The following ZFYVE9 variants were observed in gnomAD, a reference collection of about 807,000 sequenced individuals.
The protein encoded by ZFYVE9 is zinc finger FYVE-type containing 9.
In ZFYVE9, 43 loss-of-function variants were observed where a neutral mutation model predicts 126.7. The observed-to-expected ratio is 0.34, with a 90% CI of 0.27 to 0.44. ZFYVE9 has a LOEUF of 0.44. Among genes scored for constraint, ZFYVE9 ranks in the 20% least tolerant of loss-of-function variants. The probability of loss-of-function intolerance (pLI) is 1.00; values close to 1 mark genes in which losing one functional copy is unlikely to be tolerated. For missense variants in ZFYVE9, 1,476 were observed against 1,697.0 expected, an observed-to-expected ratio of 0.87 and a Z score of 2.29; for synonymous variants, 521 against 597.4, an observed-to-expected ratio of 0.87 and a Z score of 1.87.
intron 4 of ZFYVE9, among the ~76,000 whole-genome samples, chr1:52,260,592 A>T (rs1405648859): frequency 6.6e-6 from 1 of 152,006 alleles, no homozygotes; most frequent in Admixed American, 6.6e-5. Context: ...TGAGCCGGGC[A>T]GATCACCTGA....
intron 1 of ZFYVE9, among the ~76,000 whole-genome samples, chr1:52,181,493 C>G (rs1644702820): frequency 1.3e-5 from 2 of 152,250 alleles, no homozygotes; most frequent in South Asian, 4.1e-4. Context: ...GCAGCCTCTG[C>G]CCGGCCGCCA....
rs116765348 is a variant in ZFYVE9, at chr1:52,162,690, C to T, written c.-143+20287C>T. 1,273 of 294,384 alleles carry T rather than the reference C, an allele frequency of 4.3e-3. 18 individuals are homozygous for T. The highest frequency in any genetic ancestry group is 0.026 in the African/African-American group (1,179 of 45,086). The allele number at this position is 294,384 out of a possible 1,614,324, so 18.2% of individuals were successfully genotyped here. A position where few individuals can be genotyped will look rare whatever the true frequency, so the allele number is the denominator to read the frequency against. On this transcript the variant is annotated intron_variant, in intron 1 of 18. Transcript: ENST00000287727. ...GCAAGTGTTGGGATCTGGATTTGCC[C>T]TTCTGCCAGTGTGTCTTCTCTGGTT...
At chr1:52,309,155 A>G (rs1373852715) in intron 13 of ZFYVE9, among the ~76,000 whole-genome samples, 1 of 152,146 alleles carries the variant, frequency 6.6e-6, no homozygotes, top group Non-Finnish European at 1.5e-5. Flanking sequence ...AAGATTTGAA[A>G]TGGATAATGA....
At chr1:52,341,948 C>A (rs1283351094) in intron 17 of ZFYVE9, among the ~76,000 whole-genome samples, 1 of 152,200 alleles carries the variant, frequency 6.6e-6, no homozygotes, top group African/African-American at 2.4e-5. Flanking sequence ...ACCTCTGTTC[C>A]CTCCTTTTTG....
intron 2 of ZFYVE9, among the ~76,000 whole-genome samples, chr1:52,226,665 C>T (rs1039119613): frequency 1.3e-5 from 2 of 152,166 alleles, no homozygotes; most frequent in African/African-American, 2.4e-5. Flanking sequence ...AACACGTGCC[C>T]AGGGTTCTCA....
rs1022656531 is a variant in ZFYVE9 at position 52,253,940 on chromosome 1, A to C, written c.2179-9833A>C. The C allele has an allele frequency of 3.7e-5, 34 of 920,762 alleles. No homozygotes were observed. In the Admixed American group the frequency reaches 4.3e-4, roughly 12 times the overall value. 57.0% of individuals were successfully genotyped at this position (920,762 alleles called of 1,614,324 possible). On this transcript the variant is annotated intron_variant, in intron 4 of 18. Transcript: ENST00000287727. Reference sequence around the variant, plus strand: ...GGAAATAATTTTCACAACCTTCAAGAAATTCGGCAACTTGAATTGGTGGAA... The same window carrying C: ...GGAAATAATTTTCACAACCTTCAAGCAATTCGGCAACTTGAATTGGTGGAA...
At chr1:52,223,669 T>G (rs955429060) in intron 2 of ZFYVE9, among the ~76,000 whole-genome samples, 2 of 152,302 alleles carry the variant, frequency 1.3e-5, no homozygotes, top group Middle Eastern at 3.4e-3. Context: ...CTTTCATCTT[T>G]CCCTTGTTGT....
rs1333009314 is a variant in ZFYVE9, at chr1:52,211,540, T to G, written c.-142-4829T>G. On this transcript the variant is annotated intron_variant, in intron 1 of 18. Coordinates refer to ENST00000287727, the MANE Select transcript of ZFYVE9 (RefSeq NM_004799.4). ...CTTTCTGGCAGAAATGTTAAGAAGT[T>G]TCTTTACTGAGCCGGGTACAGTGGT... Among the ~76,000 whole-genome samples the G allele has an allele frequency of 2.6e-5, 4 of 152,298 alleles. No homozygotes were observed. The East Asian group carries it at 7.7e-4, about 29-fold the overall frequency.
At chr1:52,253,011 C>T (rs1263072724) in intron 4 of ZFYVE9, among the ~76,000 whole-genome samples, 1 of 152,160 alleles carries the variant, frequency 6.6e-6, no homozygotes, top group Non-Finnish European at 1.5e-5. Flanking sequence ...CCCAGGAATT[C>T]TAGACCAGCC....
chr1:52,162,798 C>G, intron 1 of ZFYVE9: 1 of 339,888 alleles, frequency 2.9e-6, no homozygotes, highest in Non-Finnish European at 5.8e-6. Flanking sequence ...AGAGTGGTAT[C>G]TGGATCAAGA....
intron 13 of ZFYVE9, among the ~76,000 whole-genome samples, chr1:52,317,850 C>A (rs1646199934): frequency 6.6e-6 from 1 of 152,132 alleles, no homozygotes; most frequent in Non-Finnish European, 1.5e-5. Flanking sequence ...AGTAAGTTTT[C>A]ACAGCTCTCA....
At chr1:52,263,669 T>C (rs1645603067) in intron 4 of ZFYVE9, 104 bp from the exon 5 acceptor site, 2 of 535,540 alleles carry the variant, frequency 3.7e-6, no homozygotes, top group South Asian at 7.5e-5. Flanking sequence ...TATTGTAGTT[T>C]AATAAGGTTC....
chr1:52,209,473 T>C (rs528391497), intron 1 of ZFYVE9, among the ~76,000 whole-genome samples: 15 of 152,174 alleles, frequency 9.9e-5, no homozygotes, highest in Non-Finnish European at 2.2e-4. Flanking sequence ...AAAAACTCCC[T>C]ACCCATTAGT....
At chr1:52,334,791 C>G (rs1469955610) in intron 15 of ZFYVE9, 23 bp downstream of exon 15, 45 of 1,609,422 alleles carry the variant, frequency 2.8e-5, no homozygotes, top group Non-Finnish European at 3.7e-5. Flanking sequence ...TTGTTCAGTC[C>G]TCATAATAAG....
intron 6 of ZFYVE9, 93 bp downstream of exon 6, chr1:52,266,924 A>G (rs1349217053): frequency 8.2e-7 from 1 of 1,223,058 alleles, no homozygotes; most frequent in Non-Finnish European, 1.1e-6. Flanking sequence ...CTTAAAAAAC[A>G]CTGCAGATAA....
chr1:52,247,194 CCTCA>C (rs751211807), intron 4 of ZFYVE9, among the ~76,000 whole-genome samples: 1 of 151,962 alleles, frequency 6.6e-6, no homozygotes, highest in Non-Finnish European at 1.5e-5. Context: ...AGTAGTAGGC[CCTCA>C]CTCAGTACCA....
At chr1:52,296,818 T>G (rs1238415478) in intron 12 of ZFYVE9, among the ~76,000 whole-genome samples, 2 of 151,952 alleles carry the variant, frequency 1.3e-5, no homozygotes, top group Non-Finnish European at 2.9e-5. Flanking sequence ...TTTTTGTTTG[T>G]TTTGTTTTAT....
At chr1:52,252,722 C>G (rs951417731) in intron 4 of ZFYVE9, 14 of 452,508 alleles carry the variant, frequency 3.1e-5, no homozygotes, top group African/African-American at 2.6e-4. Flanking sequence ...TAACAGCCTG[C>G]AAATCCTGCA....
intron 1 of ZFYVE9, among the ~76,000 whole-genome samples, chr1:52,157,972 A>G (rs1644419153): frequency 6.6e-6 from 1 of 152,112 alleles, no homozygotes; most frequent in Admixed American, 6.5e-5. Flanking sequence ...CAGCTCTATC[A>G]TACCCACTTT....
Sources: gnomAD v4.1 joint callset for allele counts (sites outside exome capture counted in the v4.1 genomes callset) on GRCh38, gnomAD v4.1.1 for gene constraint, MANE v1.5 for transcripts, NCBI Gene and HGNC (gene_info 2026-07-23, HGNC 2026-07-21) for gene names.